Variants in CAPRIN1 observed in about 807,000 individuals in gnomAD.
The protein encoded by CAPRIN1 is caprin-1.
A neutral mutation model predicts 100.9 loss-of-function variants in CAPRIN1; 29 were observed. That is an observed-to-expected ratio of 0.29 (90% CI 0.21 to 0.39). CAPRIN1 has a LOEUF of 0.39. Ranked by LOEUF, CAPRIN1 falls within the 10% of genes least tolerant of loss-of-function variation. CAPRIN1 has a pLI of 1.00. For missense variants in CAPRIN1, 795 were observed against 876.7 expected, an observed-to-expected ratio of 0.91 and a Z score of 1.18; for synonymous variants, 338 against 307.5, an observed-to-expected ratio of 1.10 and a Z score of -1.04.
Position 34,079,648 on chromosome 11 carries a change from G to A in CAPRIN1, c.709G>A (p.Val237Ile). Residue 237 changes from valine (V) to isoleucine (I), a missense_variant, in exon 7 of 19, where the codon GTT becomes ATT. Physicochemically the swap from Val to Ile is conservative, Grantham distance 29. This residue lies in a region of CAPRIN1 where 648 missense variants were observed against 697.9 expected (regional missense o/e 0.93). Coordinates refer to ENST00000341394, the MANE Select transcript of CAPRIN1 (RefSeq NM_005898.5). The part of the protein sequence containing the change: ...GTTYKVLKEI[V>I]ERVFQSNYFD... ...CTTAGATAAAGTTCTAAAGGAAATTGTTGAGCGTGTTTTTCAGTCAAACTA... is the reference window on the plus strand; with the variant it reads ...CTTAGATAAAGTTCTAAAGGAAATTATTGAGCGTGTTTTTCAGTCAAACTA... The A allele has an allele frequency of 6.2e-7, 1 of 1,613,894 alleles. No homozygotes were observed. Among genetic ancestry groups the A allele is most frequent in the Non-Finnish European group, 8.5e-7 (1 of 1,179,856 alleles).
chr11:34,098,860 C>A, intron 18 of CAPRIN1: 1 of 989,136 alleles, frequency 1.0e-6, no homozygotes, highest in Non-Finnish European at 1.2e-6. Context: ...GTAATAAGGT[C>A]TGTTTTCATT....
At chr11:34,063,319 T>G (rs1850620630) in intron 2 of CAPRIN1, 1 of 152,226 alleles carries the variant, frequency 6.6e-6, no homozygotes, top group African/African-American at 2.4e-5. Flanking sequence ...GGGGGAGGGT[T>G]GTTAAGGCAC....
At position 34,071,768 on chromosome 11, in the gene CAPRIN1, A is replaced by C. The variant is rs778183582; in HGVS notation, c.259A>C (p.Arg87=). ...CCAGGAACGAATGAACAAAGGGGAA[A>C]GGCTTAATCAAGATCAGCTGGTAAA... ...DYQERMNKGE[R]LNQDQLDAVS... Residue 87 remains arginine (R), a synonymous_variant, in exon 3 of 19, where the codon AGG becomes CGG. Transcript: ENST00000341394. The C allele has an allele frequency of 6.2e-7, 1 of 1,610,082 alleles. No homozygotes were observed. The highest frequency in any genetic ancestry group is 2.2e-5 in the East Asian group (1 of 44,712).
intron 7 of CAPRIN1, among the ~76,000 whole-genome samples, chr11:34,080,423 C>CAGA (rs1851005097): frequency 2.0e-5 from 3 of 152,040 alleles, no homozygotes; most frequent in Admixed American, 6.6e-5. Context: ...TCTGACATGC[C>CAGA]CAGATTTGCT....
intron 9 of CAPRIN1, 43 bp downstream of exon 9, chr11:34,083,084 G>A: frequency 7.3e-7 from 1 of 1,365,190 alleles, no homozygotes; most frequent in Non-Finnish European, 1.0e-6. Context: ...TTTGTCTTCA[G>A]TTAGTAATTT....
At chr11:34,056,109 T>C (rs1850444493) in intron 2 of CAPRIN1, among the ~76,000 whole-genome samples, 1 of 152,194 alleles carries the variant, frequency 6.6e-6, no homozygotes, top group African/African-American at 2.4e-5. Flanking sequence ...TAGAAACCCT[T>C]GTGGAGTAAA....
intron 2 of CAPRIN1, among the ~76,000 whole-genome samples, chr11:34,068,861 T>A (rs1222378105): frequency 6.6e-6 from 1 of 152,224 alleles, no homozygotes; most frequent in Non-Finnish European, 1.5e-5. Flanking sequence ...TACCTCCATT[T>A]TGGTTAGATA....
chr11:34,072,997 T>A (rs1468304422), intron 4 of CAPRIN1, among the ~76,000 whole-genome samples: 1 of 152,208 alleles, frequency 6.6e-6, no homozygotes, highest in Non-Finnish European at 1.5e-5. Context: ...CCTAGGTGTG[T>A]AGTAGATTGT....
rs76955658 is a variant in CAPRIN1 at position 34,085,093 on chromosome 11, G to A, written c.967-971G>A. Among the ~76,000 whole-genome samples, 177 of 152,206 alleles carry A rather than the reference G, an allele frequency of 1.2e-3. 4 individuals are homozygous for A. In the East Asian group the frequency reaches 0.027, roughly 23 times the overall value. On this transcript the variant is annotated intron_variant, in intron 9 of 18. Coordinates refer to ENST00000341394, the MANE Select transcript of CAPRIN1 (RefSeq NM_005898.5). ...GTTTATAAAGGGAATAGCTGATTTT[G>A]CCTAGTTTCAACCAGTATGACTTGT...
chr11:34,086,885 A>T (rs907368603), intron 11 of CAPRIN1, among the ~76,000 whole-genome samples: 1 of 152,220 alleles, frequency 6.6e-6, no homozygotes, highest in African/African-American at 2.4e-5. Context: ...AGGAGTAAAA[A>T]TAATAGAGGT....
At chr11:34,079,155 C>T (rs1235238961) in intron 6 of CAPRIN1, among the ~76,000 whole-genome samples, 1 of 152,208 alleles carries the variant, frequency 6.6e-6, no homozygotes, top group African/African-American at 2.4e-5. Context: ...GCCTGTTAAT[C>T]CCAGCCCTTT....
In CAPRIN1 at chr11:34,089,474, A is replaced by G. The variant is rs749512449; in HGVS notation, c.1293+18A>G. On this transcript the variant is annotated intron_variant, in intron 12 of 18. Transcript: ENST00000341394. Reference sequence around the variant, plus strand: ...CGACACAGGTAAGAGTGATAAAACTATTTTCTTCAGGGCCAGGTTAGGTGG... The same window carrying G: ...CGACACAGGTAAGAGTGATAAAACTGTTTTCTTCAGGGCCAGGTTAGGTGG... 13 of 1,524,188 alleles carry G rather than the reference A, an allele frequency of 8.5e-6. No individual in the cohort carries two copies. Among genetic ancestry groups the G allele is most frequent in the African/African-American group, 7.0e-5 (5 of 71,892 alleles). The allele number at this position is 1,524,188 out of a possible 1,614,324, so 94.4% of individuals were successfully genotyped here. A position where few individuals can be genotyped will look rare whatever the true frequency, so the allele number is the denominator to read the frequency against.
intron 7 of CAPRIN1, 43 bp downstream of exon 7, chr11:34,079,808 T>G: frequency 6.4e-7 from 1 of 1,568,974 alleles, no homozygotes; most frequent in Non-Finnish European, 8.7e-7. Context: ...GGGTCCTGGT[T>G]TTATTTGATT....
chr11:34,058,591 C>T (rs1483489616), intron 2 of CAPRIN1, among the ~76,000 whole-genome samples: 2 of 152,162 alleles, frequency 1.3e-5, no homozygotes, highest in Non-Finnish European at 2.9e-5. Flanking sequence ...AAGAAAAATG[C>T]TTTCCATTTC....
chr11:34,083,503 C>G (rs563946645), intron 9 of CAPRIN1, among the ~76,000 whole-genome samples: 2 of 152,196 alleles, frequency 1.3e-5, no homozygotes, highest in African/African-American at 4.8e-5. Flanking sequence ...CAGTGACTCT[C>G]TTCATATTAC....
At chr11:34,078,519 A>G (rs1402524124) in intron 6 of CAPRIN1, among the ~76,000 whole-genome samples, 2 of 152,048 alleles carry the variant, frequency 1.3e-5, no homozygotes, top group Non-Finnish European at 2.9e-5. Context: ...TTCTACTTTT[A>G]TACCTTTCTC....
intron 7 of CAPRIN1, among the ~76,000 whole-genome samples, chr11:34,081,173 A>G (rs1292482194): frequency 6.6e-6 from 1 of 152,108 alleles, no homozygotes; most frequent in African/African-American, 2.4e-5. Flanking sequence ...TGTGATGGCA[A>G]ACTATTTACT....
intron 6 of CAPRIN1, among the ~76,000 whole-genome samples, chr11:34,077,597 T>TA (rs1481170127): frequency 5.9e-5 from 9 of 152,226 alleles, no homozygotes; most frequent in African/African-American, 2.2e-4. Flanking sequence ...AATAGATTCT[T>TA]ATCTTTGCCA....
At chr11:34,074,189 C>A (rs189771100) in intron 4 of CAPRIN1, among the ~76,000 whole-genome samples, 5 of 152,274 alleles carry the variant, frequency 3.3e-5, no homozygotes, top group Admixed American at 3.3e-4. Flanking sequence ...TGCCCAATTT[C>A]TTTTTCTTGC....
Sources: allele counts gnomAD v4.1 joint callset (sites outside exome capture counted in the v4.1 genomes callset), GRCh38; gene constraint gnomAD v4.1.1; regional missense constraint gnomAD v4.1.1; transcripts MANE v1.5; gene names NCBI Gene and HGNC (gene_info 2026-07-23, HGNC 2026-07-21).